Variants in PHC1 observed in about 807,000 individuals in gnomAD.
PHC1 encodes the protein polyhomeotic homolog 1, also known as polyhomeotic-like protein 1.
Under a neutral mutation model 104.3 loss-of-function variants are expected in PHC1, and 12 were observed. The ratio of observed to expected loss-of-function variants is 0.12; its 90% CI spans 0.07 to 0.19. The LOEUF (loss-of-function observed/expected upper bound fraction) is 0.19, where lower values mean the gene tolerates loss of function less well. Among genes scored for constraint, PHC1 ranks in the 10% least tolerant of loss-of-function variants. PHC1 has a pLI of 1.00. For missense variants in PHC1, 671 were observed against 1,200.0 expected, an observed-to-expected ratio of 0.56 and a Z score of 6.51; for synonymous variants, 302 against 455.8, an observed-to-expected ratio of 0.66 and a Z score of 4.30.
chr12:8,917,753 A>G lies in PHC1; in HGVS notation c.76A>G (p.Ile26Val), dbSNP rs1565510960. ...CTCAGGGGGCAGCTCTCGGCCCCAG[A>G]TAGCTCAAATGTCACTTTATGAACG... ...SSSGGSSRPQ[I>V]AQMSLYERQA... The change falls in exon 2 of 15, where the codon ATA (isoleucine) becomes GTA (valine). Residue 26 changes from isoleucine (I) to valine (V), a missense_variant. Physicochemically the swap from Ile to Val is conservative, Grantham distance 29 (BLOSUM62 3). Coordinates refer to ENST00000544916, the MANE Select transcript of PHC1 (RefSeq NM_004426.3). The G allele has an allele frequency of 6.3e-7, 1 of 1,579,458 alleles. No individual in the cohort carries two copies. Among genetic ancestry groups the G allele is most frequent in the African/African-American group, 1.4e-5 (1 of 72,470 alleles).
intron 12 of PHC1, 64 bp from the exon 13 acceptor site, chr12:8,937,112 C>T: frequency 6.5e-7 from 1 of 1,547,518 alleles, no homozygotes; most frequent in South Asian, 1.2e-5. Flanking sequence ...AGCAGAAATT[C>T]ACATTTAGAG....
chr12:8,934,803 T>G lies in PHC1; in HGVS notation c.2254-321T>G, dbSNP rs11048105. Among the ~76,000 whole-genome samples, 137 of 152,198 alleles carry G rather than the reference T, an allele frequency of 9.0e-4. 1 individual carries two copies. The highest frequency in any genetic ancestry group is 2.5e-3 in the Admixed American group (38 of 15,278). ...GGGTTTGCAGAACCAGGACTAGAAC[T>G]GAGGTGTCTTGACTCCTAGTGCATT... On this transcript the variant is annotated intron_variant, in intron 10 of 14. Coordinates refer to ENST00000544916, the MANE Select transcript of PHC1 (RefSeq NM_004426.3).
At chr12:8,927,831 A>AT in intron 6 of PHC1, among the ~76,000 whole-genome samples, 1 of 147,232 alleles carries the variant, frequency 6.8e-6, no homozygotes, top group East Asian at 2.0e-4. Context: ...GGTTTTTATT[A>AT]TTTTAACCTG....
intron 7 of PHC1, among the ~76,000 whole-genome samples, chr12:8,931,148 A>C (rs1323566802): frequency 1.3e-5 from 2 of 152,210 alleles, no homozygotes; most frequent in Non-Finnish European, 2.9e-5. Context: ...ACCAGGCAGT[A>C]GTCAGCTTAC....
At chr12:8,921,569 C>T (rs778339606) in intron 4 of PHC1, 32 bp from the exon 5 acceptor site, 10 of 1,610,982 alleles carry the variant, frequency 6.2e-6, no homozygotes, top group Non-Finnish European at 8.5e-6. Flanking sequence ...TCTCCCAAAT[C>T]CTTAGTCCTG....
rs1945978711 is a variant in PHC1 at position 8,940,464 on chromosome 12, A to C, written c.*1005A>C. 6.2e-6 allele frequency: 1 copy of C among 161,876 alleles called. No homozygotes were observed. The highest frequency in any genetic ancestry group is 2.4e-5 in the African/African-American group (1 of 40,854). The allele number at this position is 161,876 out of a possible 1,614,324, so 10.0% of individuals were successfully genotyped here. The stretch of plus-strand genomic sequence containing the variant: ...GGGTGTGGGGGAGGGATGCAAACAA[A>C]TAACAAAAAAGATGCTTTTGTAACA... On this transcript the variant is annotated 3_prime_UTR_variant, in exon 15 of 15. Coordinates refer to ENST00000544916, the MANE Select transcript of PHC1 (RefSeq NM_004426.3).
At chr12:8,924,159 T>A (rs1945449726) in intron 6 of PHC1, among the ~76,000 whole-genome samples, 1 of 152,100 alleles carries the variant, frequency 6.6e-6, no homozygotes, top group Admixed American at 6.6e-5. Context: ...GTGAGTCAGG[T>A]CTTCAAAGAG....
intron 3 of PHC1, 150 bp from the exon 4 acceptor site, chr12:8,920,835 A>G: frequency 3.4e-6 from 2 of 582,868 alleles, no homozygotes; most frequent in South Asian, 4.4e-5. Flanking sequence ...TCACTGGACT[A>G]GTGAATATAC....
In PHC1 at chr12:8,921,630, G is replaced by A. The variant is rs1165606281; in HGVS notation, c.336G>A (p.Gln112=). ...ATCTGGCCACCACATCGGCCGCCCA[G>A]CTCATCAGCCGATCCCAGAGTGTGA... ...SINLATTSAA[Q]LISRSQSVSS... Residue 112 remains glutamine, a synonymous_variant, in exon 5 of 15, where the codon CAG becomes CAA. Coordinates refer to ENST00000544916, the MANE Select transcript of PHC1 (RefSeq NM_004426.3). 2 of 1,613,664 alleles carry A rather than the reference G, an allele frequency of 1.2e-6. No individual in the cohort carries two copies. The highest frequency in any genetic ancestry group is 1.7e-6 in the Non-Finnish European group (2 of 1,179,922).
rs1945744281 is a variant in PHC1, at chr12:8,933,297, C to G, written c.1840C>G (p.Pro614Ala). Residue 614 changes from proline to alanine, a missense_variant, in exon 8 of 15, where the codon CCT (proline) becomes GCT (alanine). Pro to Ala is a conservative substitution (Grantham distance 27). This residue lies in a region of PHC1 where 95 missense variants were observed against 108.8 expected (regional missense o/e 0.87). Transcript: ENST00000544916. ...VVKGGATTSS[P>A]VVAQVPAAFY... ...AAAGGGTGGGGCTACCACCTCCTCA[C>G]CTGTTGTAGCCCAGGTCCCTGCTGC... 2 of 1,478,122 alleles carry G rather than the reference C, an allele frequency of 1.4e-6. No individual in the cohort carries two copies. The highest frequency in any genetic ancestry group is 1.4e-5 in the South Asian group (1 of 70,536). The allele number at this position is 1,478,122 out of a possible 1,614,324, so 91.6% of individuals were successfully genotyped here.
At chr12:8,934,601 A>G (rs112303917) in intron 10 of PHC1, 123 bp downstream of exon 10, 1 of 629,640 alleles carries the variant, frequency 1.6e-6, no homozygotes, top group Non-Finnish European at 2.7e-6. Flanking sequence ...CAATTACGCT[A>G]TTTATTTAAT....
In PHC1 at chr12:8,919,893, G is replaced by A. The variant is rs200804190; in HGVS notation, c.225+27G>A. 2.3e-5 allele frequency: 37 copies of A among 1,585,484 alleles called. No homozygotes were observed. In the Middle Eastern group the frequency reaches 5.0e-4, roughly 21 times the overall value. On this transcript the variant is annotated intron_variant, in intron 3 of 14. Transcript: ENST00000544916. The surrounding 1 kb of genome is among the most constrained non-coding windows in gnomAD (Gnocchi z 4.9). ...TGAGAGGTCAGCAGCCAGCTGGCCC[G>A]AGAGGGAGGGGACAGGCACTACAGG...
chr12:8,930,935 G>T lies in PHC1; in HGVS notation c.1105+8G>T, dbSNP rs1268059688. 3.1e-6 allele frequency: 5 copies of T among 1,604,746 alleles called. 1 individual carries two copies. The South Asian group carries it at 3.3e-5, about 11-fold the overall frequency. On this transcript the variant is annotated splice_region_variant and intron_variant, in intron 7 of 14. Coordinates refer to ENST00000544916, the MANE Select transcript of PHC1 (RefSeq NM_004426.3). ...AGACACTTATTAGCTCAGGTAAATT[G>T]TCATTCCTCATGTCATTATTCTCTC...
chr12:8,936,019 C>T (rs1317695911), intron 11 of PHC1, among the ~76,000 whole-genome samples: 1 of 152,162 alleles, frequency 6.6e-6, no homozygotes, highest in Non-Finnish European at 1.5e-5. Flanking sequence ...CCGCCTTGGC[C>T]TCCCAAAGTG....
rs775558922 is a variant in PHC1, at chr12:8,919,161, G to A, written c.115-595G>A. 2.0e-5 allele frequency among the ~76,000 whole-genome samples: 3 copies of A among 152,324 alleles called. No individual in the cohort carries two copies. The highest frequency in any genetic ancestry group is 2.1e-4 in the South Asian group (1 of 4,830). On this transcript the variant is annotated intron_variant, in intron 2 of 14. Coordinates refer to ENST00000544916, the MANE Select transcript of PHC1 (RefSeq NM_004426.3). The surrounding 1 kb of genome is among the most constrained non-coding windows in gnomAD (Gnocchi z 4.9). ...TGCAACCTCTGCCTCCCAGGTTCAAGCAATTCTCCTACCTCAGCCTCCCTA... is the reference window on the plus strand; with the variant it reads ...TGCAACCTCTGCCTCCCAGGTTCAAACAATTCTCCTACCTCAGCCTCCCTA...
intron 11 of PHC1, among the ~76,000 whole-genome samples, chr12:8,936,622 A>G (rs1363234674): frequency 6.6e-6 from 1 of 152,224 alleles, no homozygotes; most frequent in African/African-American, 2.4e-5. Context: ...TTAGTAAGAC[A>G]TCTAAAATGG....
At chr12:8,933,780 T>G in intron 8 of PHC1, 85 bp from the exon 9 acceptor site, 1 of 1,162,872 alleles carries the variant, frequency 8.6e-7, no homozygotes, top group Non-Finnish European at 1.2e-6. Context: ...TAAGAAAATT[T>G]TCTTTGAACA....
At chr12:8,938,460 T>C (rs937077309) in intron 14 of PHC1, among the ~76,000 whole-genome samples, 14 of 151,504 alleles carry the variant, frequency 9.2e-5, no homozygotes, top group Middle Eastern at 3.2e-3. Context: ...TTTTTTTTTT[T>C]AAACAGAGAC....
chr12:8,914,342 G>A (rs1246018980), upstream of PHC1, among the ~76,000 whole-genome samples: 1 of 151,942 alleles, frequency 6.6e-6, no homozygotes, highest in Non-Finnish European at 1.5e-5. Context: ...AAAACCCCTG[G>A]GCCTGGAGCG....
Sources: allele counts gnomAD v4.1 joint callset (sites outside exome capture counted in the v4.1 genomes callset), GRCh38; gene constraint gnomAD v4.1.1; regional missense constraint gnomAD v4.1.1; non-coding constraint Gnocchi (gnomAD v3.1); transcripts MANE v1.5; gene names NCBI Gene and HGNC (gene_info 2026-07-23, HGNC 2026-07-21).